The following GAP43 variants were observed in gnomAD, a reference collection of about 807,000 sequenced individuals.
GAP43 encodes the protein neuromodulin.
GAP43 carries 6 observed loss-of-function variants against 18.6 expected under a neutral mutation model. That is an observed-to-expected ratio of 0.32 (90% CI 0.18 to 0.64). GAP43 has a LOEUF of 0.64. GAP43 is among the 30% of genes least tolerant of loss of function. The pLI, the probability that GAP43 is intolerant of heterozygous loss-of-function variation, is 0.78. For missense variants in GAP43, 292 were observed against 295.5 expected (o/e 0.99, Z 0.09); for synonymous variants, 115 against 111.4 (o/e 1.03, Z -0.20).
chr3:115,623,654 A>C lies in GAP43; in HGVS notation c.-36A>C. On this transcript the variant is annotated 5_prime_UTR_variant, in exon 1 of 3. Transcript: ENST00000305124. ...AATAAGAAAGAGAGAGAAGGAAAGG[A>C]GAGAAGGCAGGAAGAAGGCAAGGGA... The C allele has an allele frequency of 6.2e-7, 1 of 1,613,370 alleles. No homozygotes were observed. The highest frequency in any genetic ancestry group is 8.5e-7 in the Non-Finnish European group (1 of 1,179,428).
At position 115,683,131 on chromosome 3, in the gene GAP43, G is replaced by A. The variant is rs1165684838; in HGVS notation, c.628+6521G>A. Reference sequence around the variant, plus strand: ...TTTTTCTCTACATACATGTGCGCGCGCGTGCGCGCGCGCGCGCACACACAC... The same window carrying A: ...TTTTTCTCTACATACATGTGCGCGCACGTGCGCGCGCGCGCGCACACACAC... On this transcript the variant is annotated intron_variant, in intron 2 of 2. Coordinates refer to ENST00000305124, the MANE Select transcript of GAP43 (RefSeq NM_002045.4). Among the ~76,000 whole-genome samples the A allele has an allele frequency of 2.2e-4, 21 of 97,462 alleles. 1 individual carries two copies. Among genetic ancestry groups the A allele is most frequent in the African/African-American group, 3.1e-4 (9 of 28,850 alleles). The allele number at this position is 97,462 out of a possible 152,430, so 63.9% of individuals were successfully genotyped here.
At chr3:115,665,266 C>T (rs1158689757) in intron 1 of GAP43, among the ~76,000 whole-genome samples, 2 of 152,176 alleles carry the variant, frequency 1.3e-5, no homozygotes, top group African/African-American at 2.4e-5. Context: ...TTCAGAATAT[C>T]TGAAATATAG....
intron 2 of GAP43, among the ~76,000 whole-genome samples, chr3:115,687,651 C>T (rs1709051888): frequency 6.6e-6 from 1 of 152,112 alleles, no homozygotes; most frequent in Non-Finnish European, 1.5e-5. Context: ...TTTGCAGAGG[C>T]CAGGTTAACA....
intron 2 of GAP43, among the ~76,000 whole-genome samples, chr3:115,693,310 T>A (rs1200548287): frequency 2.6e-5 from 4 of 152,168 alleles, no homozygotes; most frequent in African/African-American, 9.7e-5. Flanking sequence ...TGTCAGCTAA[T>A]TTTTAAAAGT....
At chr3:115,697,401 T>A (rs1360653664) in intron 2 of GAP43, among the ~76,000 whole-genome samples, 2 of 152,182 alleles carry the variant, frequency 1.3e-5, no homozygotes. Context: ...ACATGTTTCC[T>A]CACCGTCCTT....
chr3:115,652,389 A>ATTTTTTTTTTTTT (rs1708531283), intron 1 of GAP43, among the ~76,000 whole-genome samples: 2 of 25,590 alleles, frequency 7.8e-5, no homozygotes, highest in African/African-American at 2.3e-4. Context: ...TTTTTTTGTG[A>ATTTTTTTTTTTTT]TAGAGTCTTG....
At chr3:115,703,052 G>A (rs927715908) in intron 2 of GAP43, among the ~76,000 whole-genome samples, 1 of 152,054 alleles carries the variant, frequency 6.6e-6, no homozygotes, top group Non-Finnish European at 1.5e-5. Flanking sequence ...CTGGAGTACA[G>A]TGCTCAGGTA....
chr3:115,675,758 CAAAAAAAAAAAAAA>C (rs67744380), intron 1 of GAP43, among the ~76,000 whole-genome samples: 2 of 50,556 alleles, frequency 4.0e-5, no homozygotes, highest in Non-Finnish European at 6.6e-5. Context: ...GACTCTATCT[CAAAAAAAAAAAAAA>C]AAAAAAAAAA....
At chr3:115,667,661 G>T (rs1708750552) in intron 1 of GAP43, among the ~76,000 whole-genome samples, 1 of 152,190 alleles carries the variant, frequency 6.6e-6, no homozygotes, top group African/African-American at 2.4e-5. Context: ...AGCTTGGCAT[G>T]TGCTTTGCTC....
intron 1 of GAP43, 147 bp downstream of exon 1, chr3:115,623,866 C>A: frequency 1.2e-6 from 1 of 804,836 alleles, no homozygotes; most frequent in Non-Finnish European, 2.2e-6. Context: ...GGTTGCATCC[C>A]AGCTTTTATT....
At chr3:115,668,057 A>G (rs1708755679) in intron 1 of GAP43, among the ~76,000 whole-genome samples, 1 of 152,210 alleles carries the variant, frequency 6.6e-6, no homozygotes, top group Non-Finnish European at 1.5e-5. Context: ...ATTGCTCAAG[A>G]GTAGAGATGC....
chr3:115,719,336 G>A (rs1178542882), intron 2 of GAP43, among the ~76,000 whole-genome samples: 1 of 152,068 alleles, frequency 6.6e-6, no homozygotes, highest in Non-Finnish European at 1.5e-5. Context: ...TTGTAAAGTT[G>A]ACCATTGGCT....
chr3:115,702,845 G>A lies in GAP43; in HGVS notation c.629-17949G>A, dbSNP rs538900444. 2.6e-5 allele frequency among the ~76,000 whole-genome samples: 4 copies of A among 152,254 alleles called. No individual in the cohort carries two copies. The East Asian group carries it at 7.7e-4, about 29-fold the overall frequency. Reference sequence around the variant, plus strand: ...TTTGTCAGCAGTTTCAGGCAAAAGGGGAAAGGTCTATATTTGCCCTTGTTA... The same window carrying A: ...TTTGTCAGCAGTTTCAGGCAAAAGGAGAAAGGTCTATATTTGCCCTTGTTA... On this transcript the variant is annotated intron_variant, in intron 2 of 2. Transcript: ENST00000305124.
At chr3:115,707,437 A>C (rs951774404) in intron 2 of GAP43, among the ~76,000 whole-genome samples, 3 of 151,938 alleles carry the variant, frequency 2.0e-5, no homozygotes, top group Non-Finnish European at 4.4e-5. Flanking sequence ...TGACAGGTAC[A>C]TGCCACCATG....
chr3:115,657,905 A>T (rs1708608244), intron 1 of GAP43, among the ~76,000 whole-genome samples: 1 of 152,178 alleles, frequency 6.6e-6, no homozygotes, highest in African/African-American at 2.4e-5. Flanking sequence ...TGATTAACCA[A>T]AGAGACAAGG....
intron 1 of GAP43, among the ~76,000 whole-genome samples, chr3:115,659,868 A>T: frequency 6.6e-6 from 1 of 152,134 alleles, no homozygotes; most frequent in East Asian, 1.9e-4. Context: ...GATAACAGTG[A>T]TTCGCGTATC....
intron 1 of GAP43, among the ~76,000 whole-genome samples, chr3:115,654,131 T>TA (rs1211721436): frequency 6.6e-6 from 1 of 152,208 alleles, no homozygotes; most frequent in East Asian, 1.9e-4. Flanking sequence ...TGCTGTGGTG[T>TA]AAAAAATACA....
chr3:115,716,746 A>ATATG, intron 2 of GAP43, among the ~76,000 whole-genome samples: 1 of 125,974 alleles, frequency 7.9e-6, no homozygotes, highest in Non-Finnish European at 1.7e-5. Context: ...ATATATATAT[A>ATATG]TATATATATA....
chr3:115,713,861 A>G (rs954445524), intron 2 of GAP43, among the ~76,000 whole-genome samples: 2 of 152,256 alleles, frequency 1.3e-5, no homozygotes, highest in African/African-American at 4.8e-5. Flanking sequence ...TGGATCAAGA[A>G]TATGGAAACT....
Sources: gnomAD v4.1 joint callset for allele counts (sites outside exome capture counted in the v4.1 genomes callset) on GRCh38, gnomAD v4.1.1 for gene constraint, MANE v1.5 for transcripts, NCBI Gene and HGNC (gene_info 2026-07-23, HGNC 2026-07-21) for gene names.